Variants in DCAF8L2 observed in about 807,000 individuals in gnomAD.
DCAF8L2 encodes DDB1 and CUL4 associated factor 8 like 2, also known as DDB1- and CUL4-associated factor 8-like protein 2.
For synonymous variants in DCAF8L2, 200 were observed against 190.9 expected (o/e 1.05, Z -0.39); for missense variants, 430 against 490.7 (o/e 0.88, Z 1.17).
In DCAF8L2 at chrX:27,747,040, A is replaced by C; in HGVS notation, c.145A>C (p.Thr49Pro). The C allele has an allele frequency of 8.5e-7, 1 of 1,174,086 alleles. No individual in the cohort carries two copies. The highest frequency in any genetic ancestry group is 1.1e-6 in the Non-Finnish European group (1 of 876,047). ...CATAGCGACCTCAGAGCTGAGTGTG[A>C]CAGTGACCGGAGATGGCAGTGATAG... ...IDIATSELSVTVTGDGSDSRD... is the reference protein window; with the variant it reads ...IDIATSELSVPVTGDGSDSRD... The change falls in exon 5 of 5, where the codon ACA becomes CCA. Residue 49 changes from threonine (T) to proline (P), a missense_variant. By Grantham distance (38) the Thr-to-Pro change is conservative. Coordinates refer to ENST00000451261, the MANE Select transcript of DCAF8L2 (RefSeq NM_001353450.2).
chrX:27,681,490 C>T (rs1315784122), intron 3 of DCAF8L2, among the ~76,000 whole-genome samples: 1 of 111,660 alleles, frequency 9.0e-6, no homozygotes, highest in Non-Finnish European at 1.9e-5. Flanking sequence ...AAAATGATAT[C>T]TCACTAACTA....
intron 1 of DCAF8L2, among the ~76,000 whole-genome samples, chrX:27,606,322 TTA>T (rs751849784): frequency 7.6e-4 from 48 of 62,927 alleles, no homozygotes; most frequent in Admixed American, 3.7e-3. Context: ...TATATAGGAA[TTA>T]TATATATATA....
At chrX:27,501,402 G>A in the DCAF8L2 span, among the ~76,000 whole-genome samples, 1 of 110,343 alleles carries the variant, frequency 9.1e-6, no homozygotes, top group Non-Finnish European at 1.9e-5. Flanking sequence ...GCTCAAATTC[G>A]ACATGATTAT....
At chrX:27,561,255 A>G in the DCAF8L2 span, among the ~76,000 whole-genome samples, 2 of 111,226 alleles carry the variant, frequency 1.8e-5, no homozygotes, top group African/African-American at 6.5e-5. Context: ...TCTACTCTCA[A>G]AAAGGTCAGC....
chrX:27,478,396 G>A, the DCAF8L2 span, among the ~76,000 whole-genome samples: 1 of 112,077 alleles, frequency 8.9e-6, no homozygotes, highest in Middle Eastern at 4.8e-3. Flanking sequence ...AATTGTTTAA[G>A]GATAATGAAA....
In DCAF8L2 at chrX:27,748,217, A is replaced by C; in HGVS notation, c.1322A>C (p.Tyr441Ser). ...GATGGCACAGAGCTGCTAGCCAGCT[A>C]CAATGATGACGATATTTACCTCTTC... The part of the protein sequence containing the change: ...SHDGTELLAS[Y>S]NDDDIYLFNS... The change falls in exon 5 of 5, where the codon TAC (tyrosine) becomes TCC (serine). Residue 441 changes from tyrosine to serine, a missense_variant. Tyr to Ser is a moderately radical substitution (Grantham distance 144). Coordinates refer to ENST00000451261, the MANE Select transcript of DCAF8L2 (RefSeq NM_001353450.2). 1 of 1,212,201 alleles carries C rather than the reference A, an allele frequency of 8.2e-7. No homozygotes were observed. The highest frequency in any genetic ancestry group is 1.1e-6 in the Non-Finnish European group (1 of 895,570).
the DCAF8L2 span, among the ~76,000 whole-genome samples, chrX:27,472,719 A>G: frequency 8.9e-6 from 1 of 111,982 alleles, no homozygotes; most frequent in Non-Finnish European, 1.9e-5. Context: ...AAAGGACATG[A>G]TCTCATTCCT....
intron 1 of DCAF8L2, among the ~76,000 whole-genome samples, chrX:27,613,467 G>A (rs1927291541): frequency 9.0e-6 from 1 of 110,993 alleles, no homozygotes; most frequent in African/African-American, 3.3e-5. Flanking sequence ...TGATTGCCCT[G>A]GCCAGAACTT....
intron 2 of DCAF8L2, among the ~76,000 whole-genome samples, chrX:27,637,119 A>G (rs1482624685): frequency 8.9e-6 from 1 of 112,161 alleles, no homozygotes; most frequent in East Asian, 2.8e-4. Context: ...CAAAGTCCCA[A>G]TAACATTGTT....
the DCAF8L2 span, among the ~76,000 whole-genome samples, chrX:27,552,977 T>A: frequency 8.9e-6 from 1 of 112,030 alleles, no homozygotes; most frequent in Non-Finnish European, 1.9e-5. Flanking sequence ...AATCTTTCAA[T>A]TCTTTGGTTA....
chrX:27,615,169 A>G (rs1408251205), intron 1 of DCAF8L2, among the ~76,000 whole-genome samples: 1 of 111,790 alleles, frequency 8.9e-6, no homozygotes, highest in Non-Finnish European at 1.9e-5. Context: ...TACTCTAAAA[A>G]GGAATTAATG....
At chrX:27,514,452 G>A in the DCAF8L2 span, among the ~76,000 whole-genome samples, 5 of 108,007 alleles carry the variant, frequency 4.6e-5, no homozygotes, top group Non-Finnish European at 9.6e-5. Flanking sequence ...GGCGGATCAC[G>A]AGGTCAGGAG....
the DCAF8L2 span, among the ~76,000 whole-genome samples, chrX:27,581,665 C>T: frequency 9.2e-6 from 1 of 108,471 alleles, no homozygotes; most frequent in Admixed American, 9.9e-5. Context: ...CTCACTGCAG[C>T]CCCCACCTCC....
the DCAF8L2 span, among the ~76,000 whole-genome samples, chrX:27,479,671 G>A: frequency 5.4e-5 from 6 of 111,967 alleles, no homozygotes; most frequent in South Asian, 7.4e-4. Context: ...TGTCGCCAAA[G>A]AGGAAACATA....
chrX:27,530,677 T>C, the DCAF8L2 span, among the ~76,000 whole-genome samples: 1 of 111,925 alleles, frequency 8.9e-6, no homozygotes, highest in African/African-American at 3.2e-5. Flanking sequence ...AGAACGTGGA[T>C]TGTGGTAGTC....
Position 27,747,949 on chromosome X carries a change from C to T in DCAF8L2, c.1054C>T (p.Arg352Trp). The T allele has an allele frequency of 3.3e-6, 4 of 1,211,359 alleles. No homozygotes were observed. Among genetic ancestry groups the T allele is most frequent in the East Asian group, 3.0e-5 (1 of 33,811 alleles). ...CTTCACCATTGACCTCAGACAAGACCGGCCAGCTTCAAAAGTTGTGGTAAC... is the reference window on the plus strand; with the variant it reads ...CTTCACCATTGACCTCAGACAAGACTGGCCAGCTTCAAAAGTTGTGGTAAC... ...VVFTIDLRQDRPASKVVVTRE... is the reference protein window; with the variant it reads ...VVFTIDLRQDWPASKVVVTRE... The change falls in exon 5 of 5, where the codon CGG becomes TGG. Residue 352 changes from arginine (R) to tryptophan (W), a missense_variant. Transcript: ENST00000451261.
intron 2 of DCAF8L2, among the ~76,000 whole-genome samples, chrX:27,648,730 G>A (rs1030771496): frequency 9.0e-6 from 1 of 110,873 alleles, no homozygotes; most frequent in Non-Finnish European, 1.9e-5. Flanking sequence ...TCAGGTGTTC[G>A]AGGCAGTTAC....
chrX:27,574,072 T>A, the DCAF8L2 span, among the ~76,000 whole-genome samples: 342 of 110,632 alleles, frequency 3.1e-3, 1 homozygote, highest in African/African-American at 0.01. Context: ...TCAAGTGATT[T>A]TTTTTTTTGT....
At chrX:27,677,492 A>C (rs1470236443) in intron 2 of DCAF8L2, among the ~76,000 whole-genome samples, 1 of 111,764 alleles carries the variant, frequency 8.9e-6, no homozygotes, top group Non-Finnish European at 1.9e-5. Flanking sequence ...TGAAGAATGG[A>C]GGATAGTTTC....
Sources: gnomAD v4.1 joint callset for allele counts (sites outside exome capture counted in the v4.1 genomes callset) on GRCh38, gnomAD v4.1.1 for gene constraint, MANE v1.5 for transcripts, NCBI Gene and HGNC (gene_info 2026-07-23, HGNC 2026-07-21) for gene names.